The following LRRIQ3 variants were observed in gnomAD, a reference collection of about 807,000 sequenced individuals.
LRRIQ3 encodes leucine rich repeats and IQ motif containing 3, also known as leucine-rich repeat and IQ domain-containing protein 3.
Under a neutral mutation model 59.3 loss-of-function variants are expected in LRRIQ3, and 75 were observed. That is an observed-to-expected ratio of 1.26 (90% CI 1.05 to 1.53). LRRIQ3 has a LOEUF of 1.53. Among genes scored for constraint, LRRIQ3 ranks in the 40% most tolerant of loss-of-function variants. LRRIQ3 has a pLI of 0.00. For missense variants in LRRIQ3, 831 were observed against 710.0 expected (o/e 1.17, Z -1.94); for synonymous variants, 250 against 231.3 (o/e 1.08, Z -0.73).
intron 4 of LRRIQ3, among the ~76,000 whole-genome samples, chr1:74,124,832 G>T (rs1031904513): frequency 2.0e-5 from 3 of 151,924 alleles, no homozygotes; most frequent in Admixed American, 1.3e-4. Flanking sequence ...AGCTGACTTT[G>T]GCTATTCTGG....
At chr1:74,063,110 A>T (rs1439573158) in intron 6 of LRRIQ3, among the ~76,000 whole-genome samples, 3 of 151,446 alleles carry the variant, frequency 2.0e-5, no homozygotes, top group Non-Finnish European at 2.9e-5. Context: ...AAAACAAAAA[A>T]CCCCAAAACC....
At position 74,109,565 on chromosome 1, in the gene LRRIQ3, G is replaced by A; in HGVS notation, c.708-12C>T. On this transcript the variant is annotated splice_polypyrimidine_tract_variant and intron_variant, in intron 4 of 7. Coordinates refer to ENST00000354431, the MANE Select transcript of LRRIQ3 (RefSeq NM_001105659.2). Reference sequence around the variant, plus strand: ...GGAAAAACACAGGGCTGAATATAAGGGGAGGGGAAAACTATTTGTTAGTTT... The same window carrying A: ...GGAAAAACACAGGGCTGAATATAAGAGGAGGGGAAAACTATTTGTTAGTTT... 6.5e-7 allele frequency: 1 copy of A among 1,536,132 alleles called. No homozygotes were observed. The highest frequency in any genetic ancestry group is 1.3e-5 in the South Asian group (1 of 76,976).
chr1:74,182,212 C>A, intron 3 of LRRIQ3: 1 of 156,340 alleles, frequency 6.4e-6, no homozygotes, highest in South Asian at 2.0e-4. Context: ...CATCCTTTAA[C>A]GCTCTTAAAA....
Position 74,026,058 on chromosome 1 carries a change from A to G in LRRIQ3, c.*755T>C, listed in dbSNP as rs945128992. 3 of 152,000 alleles carry G rather than the reference A, an allele frequency of 2.0e-5. No homozygotes were observed. The highest frequency in any genetic ancestry group is 7.2e-5 in the African/African-American group (3 of 41,442). 9.4% of individuals were successfully genotyped at this position (152,000 alleles called of 1,614,324 possible). A position where few individuals can be genotyped will look rare whatever the true frequency, so the allele number is the denominator to read the frequency against. On this transcript the variant is annotated 3_prime_UTR_variant, in exon 8 of 8. Coordinates refer to ENST00000354431, the MANE Select transcript of LRRIQ3 (RefSeq NM_001105659.2). ...CAGTTTATTTTTCAAATTTTCTACC[A>G]TTGGTATGTATTAAACAGACTTATG...
intron 3 of LRRIQ3, among the ~76,000 whole-genome samples, chr1:74,165,458 CCTTA>C (rs1454684882): frequency 2.0e-5 from 3 of 151,398 alleles, no homozygotes; most frequent in Non-Finnish European, 4.4e-5. Context: ...ACAATGCTAA[CCTTA>C]CTTATTAGTT....
intron 5 of LRRIQ3, among the ~76,000 whole-genome samples, chr1:74,081,017 C>T (rs1646268056): frequency 6.6e-6 from 1 of 151,486 alleles, no homozygotes; most frequent in African/African-American, 2.4e-5. Flanking sequence ...TAAAAAGTAA[C>T]TCTAAAAAGT....
In LRRIQ3 at chr1:74,109,427, A is replaced by G. The variant is rs756421582; in HGVS notation, c.834T>C (p.Thr278=). 3.2e-6 allele frequency: 5 copies of G among 1,557,658 alleles called. No individual in the cohort carries two copies. In the East Asian group the frequency reaches 9.2e-5, roughly 29 times the overall value. The change falls in exon 5 of 8, where the codon ACT becomes ACC. Residue 278 remains threonine, a synonymous_variant. Transcript: ENST00000354431. ...LLKDLFFKPE[T]NIKGKLAYWK... is the part of the protein sequence containing the mutation. ...AATATGCAAGCTTTCCTTTTATATT[A>G]GTTTCAGGTTTGAAAAAGAGATCCT...
intron 5 of LRRIQ3, chr1:74,095,103 CTTCT>C (rs1299589900): frequency 6.6e-6 from 1 of 152,080 alleles, no homozygotes; most frequent in Non-Finnish European, 1.5e-5. Flanking sequence ...GTGACCTCTT[CTTCT>C]TTATTTCCTC....
chr1:74,183,256 T>C (rs1570274025), intron 2 of LRRIQ3, 180 bp downstream of exon 2: 1 of 454,444 alleles, frequency 2.2e-6, no homozygotes, highest in East Asian at 3.8e-5. Context: ...TGTATTTTCA[T>C]TTACATCAAA....
intron 5 of LRRIQ3, among the ~76,000 whole-genome samples, chr1:74,106,927 A>G (rs1233781047): frequency 1.3e-5 from 2 of 151,964 alleles, no homozygotes; most frequent in Non-Finnish European, 2.9e-5. Flanking sequence ...TAATGTCCCT[A>G]GTAAGTGTCT....
chr1:74,138,396 G>A (rs1424608662), intron 4 of LRRIQ3: 1 of 806,134 alleles, frequency 1.2e-6, no homozygotes, highest in Admixed American at 6.2e-5. Flanking sequence ...AAAATGCCCA[G>A]ACTGTCTCCA....
intron 3 of LRRIQ3, among the ~76,000 whole-genome samples, chr1:74,157,571 A>G (rs1283187787): frequency 6.6e-6 from 1 of 151,056 alleles, no homozygotes; most frequent in Non-Finnish European, 1.5e-5. Context: ...TTGTTTTTCT[A>G]TCTCTCATTC....
intron 4 of LRRIQ3, among the ~76,000 whole-genome samples, chr1:74,139,086 G>GTA (rs1405698928): frequency 2.1e-5 from 3 of 141,706 alleles, no homozygotes; most frequent in African/African-American, 5.3e-5. Context: ...ATATATGTAT[G>GTA]TGTGTGTGTA....
chr1:74,083,585 C>G (rs2000071), intron 5 of LRRIQ3: 148,681 of 151,788 alleles, frequency 0.98, 72,899 homozygotes, highest in Middle Eastern at 1. Flanking sequence ...ACTATCTTAA[C>G]TAGACCAGAG....
rs369709404 is a variant in LRRIQ3, at chr1:74,105,257, A to AT, written c.867+4136dup. On this transcript the variant is annotated intron_variant, in intron 5 of 7. Coordinates refer to ENST00000354431, the MANE Select transcript of LRRIQ3 (RefSeq NM_001105659.2). ...CTATGTGGTGTGTGTGTGTGTGTGT[A>AT]TTTTTTTTTTTTTTGAGACAGTCTT... Among the ~76,000 whole-genome samples the AT allele has an allele frequency of 5.6e-3, 793 of 142,442 alleles. 1 individual carries two copies. Among genetic ancestry groups the AT allele is most frequent in the African/African-American group, 1.0e-2 (364 of 36,448 alleles). The allele number at this position is 142,442 out of a possible 152,430, so 93.4% of individuals were successfully genotyped here.
chr1:74,115,178 ATCAT>A (rs1646761926), intron 4 of LRRIQ3, among the ~76,000 whole-genome samples: 1 of 152,086 alleles, frequency 6.6e-6, no homozygotes, highest in African/African-American at 2.4e-5. Flanking sequence ...GAATTGCTCA[ATCAT>A]TCATTCATTC....
At chr1:74,078,362 T>C (rs1646232468) in intron 5 of LRRIQ3, among the ~76,000 whole-genome samples, 1 of 151,668 alleles carries the variant, frequency 6.6e-6, no homozygotes, top group South Asian at 2.1e-4. Context: ...TCCAATGAGA[T>C]AGTAAAAAAA....
intron 4 of LRRIQ3, among the ~76,000 whole-genome samples, chr1:74,110,827 G>A (rs908080942): frequency 3.3e-5 from 5 of 152,014 alleles, no homozygotes; most frequent in South Asian, 2.1e-4. Flanking sequence ...AAATAAGGCC[G>A]TTTACTTTCT....
intron 4 of LRRIQ3, among the ~76,000 whole-genome samples, chr1:74,116,940 T>C (rs189010843): frequency 1.1e-4 from 16 of 152,218 alleles, no homozygotes; most frequent in Admixed American, 8.5e-4. Flanking sequence ...GTTATGTACT[T>C]AGTCTTCAGC....
Sources: gnomAD v4.1 joint callset for allele counts (sites outside exome capture counted in the v4.1 genomes callset) on GRCh38, gnomAD v4.1.1 for gene constraint, MANE v1.5 for transcripts, NCBI Gene and HGNC (gene_info 2026-07-23, HGNC 2026-07-21) for gene names.